The following PPP2CA variants were observed in gnomAD, a reference collection of about 807,000 sequenced individuals.
The protein encoded by PPP2CA is serine/threonine-protein phosphatase 2A catalytic subunit alpha isoform.
In PPP2CA, 5 loss-of-function variants were observed where a neutral mutation model predicts 38.8. That is an observed-to-expected ratio of 0.13 (90% CI 0.07 to 0.27). The LOEUF is 0.27. Ranked by LOEUF, PPP2CA falls within the 10% of genes least tolerant of loss-of-function variation. The pLI, the probability that PPP2CA is intolerant of heterozygous loss-of-function variation, is 1.00. For missense variants in PPP2CA, 88 were observed against 389.7 expected (o/e 0.23, Z 6.52); for synonymous variants, 152 against 134.0 (o/e 1.13, Z -0.93).
chr5:134,208,072 C>T (rs1762121002), intron 1 of PPP2CA, among the ~76,000 whole-genome samples: 1 of 152,132 alleles, frequency 6.6e-6, no homozygotes, highest in Admixed American at 6.5e-5. Context: ...ATAAGTCCTA[C>T]ACTGAGAAGA....
chr5:134,220,637 T>C lies in PPP2CA; in HGVS notation c.102+5123A>G, dbSNP rs935390033. Among the ~76,000 whole-genome samples, 17 of 152,204 alleles carry C rather than the reference T, an allele frequency of 1.1e-4. No individual in the cohort carries two copies. The East Asian group carries it at 2.1e-3, about 19-fold the overall frequency. The stretch of plus-strand genomic sequence containing the variant: ...ATAAATAGTGTCTCCCTGTTACATA[T>C]AGCTTTGCCTCTCTCCTCAGTACCC... On this transcript the variant is annotated intron_variant, in intron 1 of 6. Coordinates refer to ENST00000481195, the MANE Select transcript of PPP2CA (RefSeq NM_002715.4).
At chr5:134,208,454 G>A (rs1008805525) in intron 1 of PPP2CA, among the ~76,000 whole-genome samples, 6 of 151,916 alleles carry the variant, frequency 3.9e-5, no homozygotes, top group Non-Finnish European at 7.4e-5. Context: ...AAAAAATTTC[G>A]GCACAGATAA....
rs1458576251 is a variant in PPP2CA, at chr5:134,197,100, G to C, written c.*672C>G. 6.6e-6 allele frequency: 1 copy of C among 152,500 alleles called. No homozygotes were observed. Among genetic ancestry groups the C allele is most frequent in the Non-Finnish European group, 1.5e-5 (1 of 68,020 alleles). 9.4% of individuals were successfully genotyped at this position (152,500 alleles called of 1,614,324 possible). On this transcript the variant is annotated 3_prime_UTR_variant, in exon 7 of 7. Transcript: ENST00000481195. ...TAAAATTTGACCTTCTCAGTTCTTA[G>C]TTCACAAGTTTATTATGAAAAACAC...
intron 1 of PPP2CA, among the ~76,000 whole-genome samples, chr5:134,215,492 T>C (rs567616602): frequency 6.4e-4 from 97 of 152,244 alleles, no homozygotes; most frequent in African/African-American, 2.3e-3. Context: ...GGAGAATCGC[T>C]TGAACCCAGG....
chr5:134,221,216 A>G (rs1467262162), intron 1 of PPP2CA, among the ~76,000 whole-genome samples: 2 of 152,090 alleles, frequency 1.3e-5, no homozygotes, highest in Non-Finnish European at 2.9e-5. Context: ...GGTTCAAGCA[A>G]TTCTCCTGTC....
chr5:134,197,734 T>A lies in PPP2CA; in HGVS notation c.*38A>T. The A allele has an allele frequency of 1.3e-6, 2 of 1,508,270 alleles. No individual in the cohort carries two copies. The highest frequency in any genetic ancestry group is 2.3e-5 in the South Asian group (2 of 88,450). 93.4% of individuals were successfully genotyped at this position (1,508,270 alleles called of 1,614,324 possible). A position where few individuals can be genotyped will look rare whatever the true frequency, so the allele number is the denominator to read the frequency against. ...TCTTCCCATTTCCATTAGGTCGATATATGGTTCATGGCAATACTGTACAAG... is the reference window on the plus strand; with the variant it reads ...TCTTCCCATTTCCATTAGGTCGATAAATGGTTCATGGCAATACTGTACAAG... On this transcript the variant is annotated 3_prime_UTR_variant, in exon 7 of 7. Transcript: ENST00000481195.
At chr5:134,224,361 T>G (rs1762515278) in intron 1 of PPP2CA, 1 of 446,924 alleles carries the variant, frequency 2.2e-6, no homozygotes, top group Non-Finnish European at 4.4e-6. Context: ...AGTAGTAGTT[T>G]TGTTCAGGCT....
At chr5:134,201,194 T>C in intron 3 of PPP2CA, 120 bp from the exon 4 acceptor site, 1 of 716,480 alleles carries the variant, frequency 1.4e-6, no homozygotes, top group Non-Finnish European at 2.4e-6. Flanking sequence ...GGAGGGCTGC[T>C]TGAGGCCAGG....
Position 134,197,758 on chromosome 5 carries a change from A to T in PPP2CA, c.*14T>A. On this transcript the variant is annotated 3_prime_UTR_variant, in exon 7 of 7. Transcript: ENST00000481195. ...ATATGGTTCATGGCAATACTGTACA[A>T]GTTTAAAATTTCATTACAGGAAGTA... 6.2e-7 allele frequency: 1 copy of T among 1,605,968 alleles called. No individual in the cohort carries two copies. The highest frequency in any genetic ancestry group is 8.5e-7 in the Non-Finnish European group (1 of 1,172,716).
intron 1 of PPP2CA, among the ~76,000 whole-genome samples, chr5:134,209,987 A>G (rs1762170837): frequency 6.6e-6 from 1 of 152,014 alleles, no homozygotes; most frequent in African/African-American, 2.4e-5. Flanking sequence ...CTGAGCTAGG[A>G]GAATCGCTTG....
chr5:134,220,010 CAA>C (rs10578851), intron 1 of PPP2CA, among the ~76,000 whole-genome samples: 70,265 of 103,184 alleles, frequency 0.68, 23,163 homozygotes, highest in Non-Finnish European at 0.75. Context: ...GGCTCCGTAT[CAA>C]AAAAAAAAAA....
chr5:134,225,862 G>A lies in PPP2CA; in HGVS notation c.-1C>T. On this transcript the variant is annotated 5_prime_UTR_variant, in exon 1 of 7. Coordinates refer to ENST00000481195, the MANE Select transcript of PPP2CA (RefSeq NM_002715.4). Reference sequence around the variant, plus strand: ...CCTTGGTGAACACCTTCTCGTCCATGATGCCACCCGCCCCAGCCGGCTGCC... The same window carrying A: ...CCTTGGTGAACACCTTCTCGTCCATAATGCCACCCGCCCCAGCCGGCTGCC... The A allele has an allele frequency of 6.2e-7, 1 of 1,605,354 alleles. No homozygotes were observed. The highest frequency in any genetic ancestry group is 8.5e-7 in the Non-Finnish European group (1 of 1,178,486).
intron 5 of PPP2CA, among the ~76,000 whole-genome samples, chr5:134,199,741 C>T (rs1580636255): frequency 1.3e-5 from 2 of 151,882 alleles, no homozygotes; most frequent in African/African-American, 4.8e-5. Flanking sequence ...AGTCCATCCA[C>T]CTGAATGCAT....
intron 1 of PPP2CA, among the ~76,000 whole-genome samples, chr5:134,208,408 T>C (rs1366212038): frequency 6.6e-6 from 1 of 152,226 alleles, no homozygotes; most frequent in Non-Finnish European, 1.5e-5. Flanking sequence ...GTGTTATCTA[T>C]TTTTTAAACT....
At chr5:134,203,016 T>C (rs1762001415) in intron 2 of PPP2CA, among the ~76,000 whole-genome samples, 1 of 152,236 alleles carries the variant, frequency 6.6e-6, no homozygotes, top group Admixed American at 6.5e-5. Flanking sequence ...CACTCATGTA[T>C]CATCTTCTTG....
chr5:134,204,401 T>C (rs559548819), intron 2 of PPP2CA, among the ~76,000 whole-genome samples: 30 of 152,370 alleles, frequency 2.0e-4, no homozygotes, highest in African/African-American at 6.3e-4. Context: ...AAAGCTACAA[T>C]TGGCATGTAA....
chr5:134,206,091 A>G lies in PPP2CA; in HGVS notation c.143T>C (p.Val48Ala). 1 of 1,614,064 alleles carries G rather than the reference A, an allele frequency of 6.2e-7. No individual in the cohort carries two copies. Among genetic ancestry groups the G allele is most frequent in the Non-Finnish European group, 8.5e-7 (1 of 1,179,978 alleles). ...ILTKESNVQEVRCPVTVCGDV... is the reference protein window; with the variant it reads ...ILTKESNVQEARCPVTVCGDV... ...TCCACAGACAGTAACTGGACATCGAACCTCTTGCACGTTGGATTCTTTTGT... is the reference window on the plus strand; with the variant it reads ...TCCACAGACAGTAACTGGACATCGAGCCTCTTGCACGTTGGATTCTTTTGT... The change falls in exon 2 of 7, where the codon GTT becomes GCT. Residue 48 changes from valine to alanine, a missense_variant. By Grantham distance (64) the Val-to-Ala change is moderately conservative. Coordinates refer to ENST00000481195, the MANE Select transcript of PPP2CA (RefSeq NM_002715.4).
In PPP2CA at chr5:134,200,392, T is replaced by C. The variant is rs1278766294; in HGVS notation, c.681A>G (p.Thr227=). The C allele has an allele frequency of 7.4e-6, 12 of 1,614,094 alleles. No homozygotes were observed. Among genetic ancestry groups the C allele is most frequent in the Non-Finnish European group, 1.0e-5 (12 of 1,180,042 alleles). Residue 227 remains threonine, a synonymous_variant, in exon 5 of 7, where the codon ACA becomes ACG. Coordinates refer to ENST00000481195, the MANE Select transcript of PPP2CA (RefSeq NM_002715.4). ...ACGTGAGGCCATTGGCATGATTAAA[T>C]GTCTCAGAAATATCTTGCCCAAAGG... The part of the protein sequence containing the change: ...GYTFGQDISE[T]FNHANGLTLV...
Position 134,196,166 on chromosome 5 carries a change from T to C in PPP2CA, c.*1606A>G, listed in dbSNP as rs1761846205. On this transcript the variant is annotated 3_prime_UTR_variant, in exon 7 of 7. Transcript: ENST00000481195. ...CACAAGCCACTAAAAATACTATCAATTAGATCAGAAAAGACATTCGGTATG... is the reference window on the plus strand; with the variant it reads ...CACAAGCCACTAAAAATACTATCAACTAGATCAGAAAAGACATTCGGTATG... The C allele has an allele frequency of 6.6e-6, 1 of 152,200 alleles. No homozygotes were observed. The highest frequency in any genetic ancestry group is 2.1e-4 in the South Asian group (1 of 4,832). 9.4% of individuals were successfully genotyped at this position (152,200 alleles called of 1,614,324 possible). A position where few individuals can be genotyped will look rare whatever the true frequency, so the allele number is the denominator to read the frequency against.
Sources: allele counts gnomAD v4.1 joint callset (sites outside exome capture counted in the v4.1 genomes callset), GRCh38; gene constraint gnomAD v4.1.1; transcripts MANE v1.5; gene names NCBI Gene and HGNC (gene_info 2026-07-23, HGNC 2026-07-21).